MYO10: variants seen among roughly 807,000 people sequenced by gnomAD.
The protein encoded by MYO10 is unconventional myosin-X.
A neutral mutation model predicts 257.3 loss-of-function variants in MYO10; 133 were observed. The ratio of observed to expected loss-of-function variants is 0.52; its 90% confidence interval spans 0.45 to 0.60. The LOEUF is 0.60. Ranked by LOEUF, MYO10 falls within the 20% of genes least tolerant of loss-of-function variation. The pLI, the probability that MYO10 is intolerant of heterozygous loss-of-function variation, is 0.00. For missense variants in MYO10, 2,399 were observed against 2,635.7 expected (o/e 0.91, Z 1.97); for synonymous variants, 1,104 against 1,028.6 (o/e 1.07, Z -1.40).
chr5:16,897,498 G>T (rs985605071), intron 1 of MYO10, among the ~76,000 whole-genome samples: 9 of 152,140 alleles, frequency 5.9e-5, no homozygotes, highest in African/African-American at 2.2e-4. Context: ...TGCATACCTT[G>T]GCTTTTCAAA....
Position 16,877,488 on chromosome 5 carries a change from T to C in MYO10, c.120+121A>G, listed in dbSNP as rs532624204. 5.7e-6 allele frequency: 4 copies of C among 697,054 alleles called. No homozygotes were observed. In the Admixed American group the frequency reaches 1.0e-4, roughly 18 times the overall value. The allele number at this position is 697,054 out of a possible 1,614,324, so 43.2% of individuals were successfully genotyped here. ...ACATTCCCACTGGGATTTTGAATTA[T>C]CACTTAGGAAAAAAATGTAAAGCGT... On this transcript the variant is annotated intron_variant, in intron 2 of 40. Coordinates refer to ENST00000513610, the MANE Select transcript of MYO10 (RefSeq NM_012334.3).
chr5:16,790,452 C>T (rs556776796), intron 4 of MYO10, among the ~76,000 whole-genome samples: 6 of 152,250 alleles, frequency 3.9e-5, no homozygotes, highest in South Asian at 4.2e-4. Flanking sequence ...CCATGGTTCC[C>T]GCCATGTTGT....
intron 1 of MYO10, among the ~76,000 whole-genome samples, chr5:16,895,034 AC>A (rs1745178816): frequency 6.6e-6 from 1 of 152,186 alleles, no homozygotes; most frequent in Non-Finnish European, 1.5e-5. Flanking sequence ...TCTCAGACTA[AC>A]CCGCCAAGCT....
intron 19 of MYO10, among the ~76,000 whole-genome samples, chr5:16,729,962 T>G (rs1739518386): frequency 6.6e-6 from 1 of 152,154 alleles, no homozygotes. Context: ...TTTTCCTTCC[T>G]AATTAAAGGA....
chr5:16,674,469 C>CA (rs934351428), intron 35 of MYO10, among the ~76,000 whole-genome samples: 3 of 150,950 alleles, frequency 2.0e-5, no homozygotes, highest in Non-Finnish European at 2.9e-5. Flanking sequence ...AACTCTGTCT[C>CA]AAAAAAAGAA....
chr5:16,900,741 C>CTTGTT (rs1554007445), intron 1 of MYO10, among the ~76,000 whole-genome samples: 1 of 89,278 alleles, frequency 1.1e-5, no homozygotes, highest in Non-Finnish European at 2.3e-5. Context: ...CTCCCTAAAT[C>CTTGTT]TTGTTTTTTT....
intron 1 of MYO10, among the ~76,000 whole-genome samples, chr5:16,919,329 G>A (rs1456950545): frequency 3.9e-5 from 6 of 152,136 alleles, no homozygotes; most frequent in East Asian, 1.9e-4. Flanking sequence ...AGTGAGCAGA[G>A]ATCATGCCAC....
rs186160770 is a variant in MYO10, at chr5:16,766,565, G to T, written c.1061-367C>A. On this transcript the variant is annotated intron_variant, in intron 10 of 40. Transcript: ENST00000513610. ...CTGCCTCAGCCTCCCAAGCAGCTGG[G>T]ACTATAGGCACCCGCTACCACGCCT... Among the ~76,000 whole-genome samples the T allele has an allele frequency of 1.4e-3, 216 of 151,740 alleles. 1 individual carries two copies. The highest frequency in any genetic ancestry group is 4.7e-3 in the African/African-American group (194 of 41,364).
intron 19 of MYO10, among the ~76,000 whole-genome samples, chr5:16,724,477 A>G (rs1270173665): frequency 6.6e-6 from 1 of 152,184 alleles, no homozygotes; most frequent in African/African-American, 2.4e-5. Flanking sequence ...TAGTTCAAAT[A>G]TGACTCTAAA....
intron 2 of MYO10, among the ~76,000 whole-genome samples, chr5:16,847,613 C>T (rs1454489430): frequency 1.3e-5 from 2 of 151,932 alleles, no homozygotes; most frequent in Non-Finnish European, 2.9e-5. Flanking sequence ...AACTGTAGTC[C>T]CAGCTTCTTG....
chr5:16,667,785 C>T (rs1459222288), intron 40 of MYO10, among the ~76,000 whole-genome samples: 1 of 152,098 alleles, frequency 6.6e-6, no homozygotes, highest in Non-Finnish European at 1.5e-5. Context: ...ATTTTTTAAA[C>T]TTGGAGGCTG....
Position 16,821,490 on chromosome 5 carries a change from G to A in MYO10, c.121-3323C>T, listed in dbSNP as rs552058798. ...TTTTTTTTTTTTTTTTTTTTGAGAC[G>A]GAGTCTCGCTCTGTCACCCAGGCTG... On this transcript the variant is annotated intron_variant, in intron 2 of 40. Coordinates refer to ENST00000513610, the MANE Select transcript of MYO10 (RefSeq NM_012334.3). Among the ~76,000 whole-genome samples, 449 of 98,728 alleles carry A rather than the reference G, an allele frequency of 4.5e-3. 2 individuals are homozygous for A. Among genetic ancestry groups the A allele is most frequent in the Non-Finnish European group, 6.6e-3 (368 of 55,636 alleles). 64.8% of individuals were successfully genotyped at this position (98,728 alleles called of 152,430 possible). A position where few individuals can be genotyped will look rare whatever the true frequency, so the allele number is the denominator to read the frequency against.
chr5:16,710,701 C>CAT, intron 21 of MYO10: 1 of 581,794 alleles, frequency 1.7e-6, no homozygotes, highest in Non-Finnish European at 3.1e-6. Flanking sequence ...TCTAATGAAA[C>CAT]AGAGTCCCTG....
At chr5:16,769,284 T>C in intron 9 of MYO10, 81 bp from the exon 10 acceptor site, 4 of 1,382,340 alleles carry the variant, frequency 2.9e-6, no homozygotes, top group Non-Finnish European at 2.9e-6. Context: ...TAATATAAAA[T>C]TACTAGGTGT....
At chr5:16,702,723 A>T in intron 23 of MYO10, 135 bp from the exon 24 acceptor site, 1 of 972,156 alleles carries the variant, frequency 1.0e-6, no homozygotes, top group Non-Finnish European at 1.5e-6. Context: ...CTGGCCATGG[A>T]TTTATTCTGT....
intron 3 of MYO10, among the ~76,000 whole-genome samples, chr5:16,811,291 G>A (rs747278307): frequency 5.3e-5 from 8 of 152,044 alleles, no homozygotes; most frequent in African/African-American, 9.7e-5. Flanking sequence ...TCGCTTGACC[G>A]TAGCTATGAG....
Position 16,704,655 on chromosome 5 carries a change from G to A in MYO10, c.2200C>T (p.Leu734=). The A allele has an allele frequency of 2.5e-6, 4 of 1,613,908 alleles. No homozygotes were observed. The highest frequency in any genetic ancestry group is 1.1e-5 in the South Asian group (1 of 91,068). The change falls in exon 22 of 41, where the codon CTG becomes TTG. Residue 734 remains leucine (L), a synonymous_variant. Transcript: ENST00000513610. The part of the protein sequence containing the change: ...VFLRESLEQK[L]EKRREEEVSH... Reference sequence around the variant, plus strand: ...ACTTCCTCTTCCCTCCGCTTCTCCAGTTTCTGTTCCAAGGATTCTCGAAGA... The same window carrying A: ...ACTTCCTCTTCCCTCCGCTTCTCCAATTTCTGTTCCAAGGATTCTCGAAGA...
chr5:16,724,128 T>C (rs904952515), intron 19 of MYO10, among the ~76,000 whole-genome samples: 8 of 152,174 alleles, frequency 5.3e-5, no homozygotes, highest in African/African-American at 1.7e-4. Context: ...AGAATCTAAA[T>C]GAATCGACCT....
chr5:16,824,117 T>G (rs190186365), intron 2 of MYO10, among the ~76,000 whole-genome samples: 131 of 152,318 alleles, frequency 8.6e-4, no homozygotes, highest in African/African-American at 2.7e-3. Context: ...TACACAGATT[T>G]CTTTTATTAC....
Sources: allele counts gnomAD v4.1 joint callset (sites outside exome capture counted in the v4.1 genomes callset), GRCh38; gene constraint gnomAD v4.1.1; transcripts MANE v1.5; gene names NCBI Gene and HGNC (gene_info 2026-07-23, HGNC 2026-07-21).